ABI2: variants seen among roughly 807,000 people sequenced by gnomAD.
The protein encoded by ABI2 is abelson interactor 2.
A neutral mutation model predicts 59.2 loss-of-function variants in ABI2; 25 were observed. The ratio of observed to expected loss-of-function variants is 0.42; its 90% CI spans 0.31 to 0.59. The LOEUF is 0.59. Ranked by LOEUF, ABI2 falls within the 20% of genes least tolerant of loss-of-function variation. The pLI, the probability that ABI2 is intolerant of heterozygous loss-of-function variation, is 0.14. For synonymous variants in ABI2, 213 were observed against 235.5 expected (o/e 0.90, Z 0.87); for missense variants, 545 against 681.8 (o/e 0.80, Z 2.23).
intron 10 of ABI2, among the ~76,000 whole-genome samples, chr2:203,412,750 C>T (rs571872946): frequency 2.0e-5 from 3 of 152,330 alleles, no homozygotes; most frequent in Admixed American, 1.3e-4. Context: ...GTGCCAAGCA[C>T]ATCCATAGTG....
chr2:203,368,370 C>CA (rs1050695869), intron 2 of ABI2, among the ~76,000 whole-genome samples: 1 of 152,012 alleles, frequency 6.6e-6, no homozygotes, highest in Admixed American at 6.6e-5. Flanking sequence ...ATTCAACACT[C>CA]TTTTTAGACC....
At chr2:203,366,565 C>G (rs1203265288) in intron 1 of ABI2, among the ~76,000 whole-genome samples, 1 of 152,152 alleles carries the variant, frequency 6.6e-6, no homozygotes, top group Non-Finnish European at 1.5e-5. Flanking sequence ...ATCAGTGCTA[C>G]CTTTCCAAGC....
chr2:203,376,003 T>A (rs2095654484), intron 2 of ABI2: 1 of 1,330,512 alleles, frequency 7.5e-7, no homozygotes, highest in South Asian at 1.3e-5. Flanking sequence ...TTAGATTACC[T>A]TTATTATTAT....
At chr2:203,423,746 T>C (rs765087879) in intron 11 of ABI2, among the ~76,000 whole-genome samples, 22 of 152,174 alleles carry the variant, frequency 1.4e-4, no homozygotes, top group Non-Finnish European at 2.8e-4. Flanking sequence ...TCTGCTGGCA[T>C]GGTACCATTA....
At chr2:203,372,852 C>T (rs2095374460) in intron 2 of ABI2, among the ~76,000 whole-genome samples, 1 of 151,950 alleles carries the variant, frequency 6.6e-6, no homozygotes, top group Non-Finnish European at 1.5e-5. Flanking sequence ...TGGGCGCCCT[C>T]ATATCCCAGA....
intron 1 of ABI2, among the ~76,000 whole-genome samples, chr2:203,332,573 C>T (rs1227148194): frequency 6.6e-6 from 1 of 152,130 alleles, no homozygotes; most frequent in Non-Finnish European, 1.5e-5. Context: ...TGCAGTGAGC[C>T]AAGATCATGC....
At chr2:203,331,839 T>TCA (rs2073825673) in intron 1 of ABI2, among the ~76,000 whole-genome samples, 1 of 147,320 alleles carries the variant, frequency 6.8e-6, no homozygotes, top group Admixed American at 6.9e-5. Context: ...ACACAGAGTT[T>TCA]CACTCTGTCG....
At chr2:203,383,620 G>A (rs1032930905) in intron 4 of ABI2, among the ~76,000 whole-genome samples, 6 of 152,142 alleles carry the variant, frequency 3.9e-5, no homozygotes, top group South Asian at 2.1e-4. Flanking sequence ...ATGTTCCTGC[G>A]TCAGGATCTG....
intron 10 of ABI2, among the ~76,000 whole-genome samples, chr2:203,413,720 C>T (rs1382440701): frequency 6.6e-6 from 1 of 152,066 alleles, no homozygotes; most frequent in Non-Finnish European, 1.5e-5. Context: ...AAAACATTCA[C>T]CTTGGAAAAA....
At chr2:203,419,377 C>T (rs567897011) in intron 11 of ABI2, among the ~76,000 whole-genome samples, 31 of 148,082 alleles carry the variant, frequency 2.1e-4, no homozygotes, top group Admixed American at 5.4e-4. Flanking sequence ...GGATTACAGG[C>T]GTGAGCCACG....
chr2:203,346,268 A>G (rs2083462915), intron 1 of ABI2, among the ~76,000 whole-genome samples: 2 of 152,222 alleles, frequency 1.3e-5, no homozygotes, highest in Admixed American at 6.5e-5. Flanking sequence ...TGCAAACCAG[A>G]TAGATCTACC....
In ABI2 at chr2:203,409,545, A is replaced by G. The variant is rs1254689687; in HGVS notation, c.1193-1740A>G. On this transcript the variant is annotated intron_variant, in intron 9 of 11. Coordinates refer to ENST00000261018, the MANE Select transcript of ABI2 (RefSeq NM_001375670.1). ...TACCAGGCTTAACATAGTTAGTGAC[A>G]TCTCCATCTTCATAGTTACGAAGGG... is the stretch of plus-strand genomic sequence containing the variant. 9.9e-5 allele frequency among the ~76,000 whole-genome samples: 15 copies of G among 152,214 alleles called. 1 individual carries two copies. Among genetic ancestry groups the G allele is most frequent in the Admixed American group, 9.8e-4 (15 of 15,280 alleles).
intron 1 of ABI2, among the ~76,000 whole-genome samples, chr2:203,338,040 A>G (rs1421948420): frequency 2.6e-5 from 4 of 152,234 alleles, no homozygotes; most frequent in Admixed American, 6.5e-5. Context: ...AAAAAAAGCT[A>G]TAGTAATCAA....
intron 2 of ABI2, among the ~76,000 whole-genome samples, chr2:203,374,601 C>T (rs1484483858): frequency 2.0e-5 from 3 of 151,426 alleles, no homozygotes; most frequent in Non-Finnish European, 4.4e-5. Context: ...TTTTATACTT[C>T]CCAATTAATT....
At chr2:203,417,471 C>G (rs552967047) in intron 11 of ABI2, among the ~76,000 whole-genome samples, 210 of 152,324 alleles carry the variant, frequency 1.4e-3, no homozygotes, top group Middle Eastern at 3.4e-3. Flanking sequence ...ATGAAACTTT[C>G]TTCCACAGAA....
intron 1 of ABI2, among the ~76,000 whole-genome samples, chr2:203,344,806 G>A (rs1372128155): frequency 1.3e-5 from 2 of 152,068 alleles, no homozygotes; most frequent in African/African-American, 4.8e-5. Context: ...CTAGCTAAAG[G>A]TTTGCAAGCG....
chr2:203,363,074 G>T (rs563428790), intron 1 of ABI2, among the ~76,000 whole-genome samples: 1 of 151,960 alleles, frequency 6.6e-6, no homozygotes, highest in Admixed American at 6.6e-5. Flanking sequence ...CAAGTGATCC[G>T]CCTGCCTCGG....
At chr2:203,400,063 A>C (rs942840531) in intron 8 of ABI2, among the ~76,000 whole-genome samples, 1 of 143,282 alleles carries the variant, frequency 7.0e-6, no homozygotes, top group African/African-American at 2.6e-5. Context: ...CGACTCATTA[A>C]TAGTGTGAAT....
Position 203,405,197 on chromosome 2 carries a change from C to A in ABI2, c.1192+2463C>A, listed in dbSNP as rs562819670. On this transcript the variant is annotated intron_variant, in intron 9 of 11. Transcript: ENST00000261018. ...CTCTGCTCTATTAAGTTCTGCCTTT[C>A]ATCTCCAGGGATTTGATAACTGTTT... Among the ~76,000 whole-genome samples the A allele has an allele frequency of 3.3e-3, 504 of 152,274 alleles. 3 individuals are homozygous for A. Among genetic ancestry groups the A allele is most frequent in the African/African-American group, 0.011 (474 of 41,562 alleles).
Sources: gnomAD v4.1 joint callset for allele counts (sites outside exome capture counted in the v4.1 genomes callset) on GRCh38, gnomAD v4.1.1 for gene constraint, MANE v1.5 for transcripts, NCBI Gene and HGNC (gene_info 2026-07-23, HGNC 2026-07-21) for gene names.